EPHB1: variants seen among roughly 807,000 people sequenced by gnomAD.
The protein encoded by EPHB1 is EPH receptor B1.
A neutral mutation model predicts 94.4 loss-of-function variants in EPHB1; 30 were observed. The ratio of observed to expected loss-of-function variants is 0.32; its 90% CI spans 0.24 to 0.43. The LOEUF (loss-of-function observed/expected upper bound fraction) is 0.43. Among genes scored for constraint, EPHB1 ranks in the 20% least tolerant of loss-of-function variants. The pLI is 1.00. For synonymous variants in EPHB1, 522 were observed against 489.1 expected, an observed-to-expected ratio of 1.07 and a Z score of -0.89; for missense variants, 1,055 against 1,308.3, an observed-to-expected ratio of 0.81 and a Z score of 2.99.
chr3:135,029,993 C>A (rs1366527739), intron 3 of EPHB1, among the ~76,000 whole-genome samples: 1 of 151,178 alleles, frequency 6.6e-6, no homozygotes, highest in Non-Finnish European at 1.5e-5. Flanking sequence ...ATTACTGATA[C>A]CCTTTCTTCC....
intron 5 of EPHB1, among the ~76,000 whole-genome samples, chr3:135,135,743 G>A (rs181054904): frequency 5.3e-5 from 8 of 152,288 alleles, no homozygotes; most frequent in South Asian, 2.1e-4. Flanking sequence ...CTAGATGGCA[G>A]GCAAAGAATT....
intron 3 of EPHB1, among the ~76,000 whole-genome samples, chr3:135,000,015 C>T (rs1452361773): frequency 6.6e-6 from 1 of 152,178 alleles, no homozygotes; most frequent in Admixed American, 6.5e-5. Context: ...TGTCCTGGGT[C>T]CTCTGGTCCC....
At position 135,260,283 on chromosome 3, in the gene EPHB1, C is replaced by T. The variant is rs1933586914; in HGVS notation, c.*1163C>T. The T allele has an allele frequency of 4.3e-6, 1 of 232,968 alleles. No individual in the cohort carries two copies. Among genetic ancestry groups the T allele is most frequent in the Middle Eastern group, 1.3e-3 (1 of 784 alleles). 14.4% of individuals were successfully genotyped at this position (232,968 alleles called of 1,614,324 possible). A position where few individuals can be genotyped will look rare whatever the true frequency, so the allele number is the denominator to read the frequency against. ...GGACTGGCTTAAGCCGTGTGGCATC[C>T]GAGGAATGTTTCAAATGTGTCTGTG... On this transcript the variant is annotated 3_prime_UTR_variant, in exon 16 of 16. Coordinates refer to ENST00000398015, the MANE Select transcript of EPHB1 (RefSeq NM_004441.5).
Position 134,918,472 on chromosome 3 carries a change from A to G in EPHB1, c.59-7344A>G, listed in dbSNP as rs550979140. Among the ~76,000 whole-genome samples the G allele has an allele frequency of 7.2e-5, 11 of 152,362 alleles. No individual in the cohort carries two copies. In the South Asian group the frequency reaches 2.1e-3, roughly 29 times the overall value. ...AAGAGTAATTTTCTGAAAATTAGTT[A>G]CATTTTTATTTCTGAATTTGTGTCA... On this transcript the variant is annotated intron_variant, in intron 1 of 15. Transcript: ENST00000398015.
chr3:134,905,322 T>C (rs79674349), intron 1 of EPHB1, among the ~76,000 whole-genome samples: 12,755 of 152,288 alleles, frequency 0.084, 1,729 homozygotes, highest in African/African-American at 0.29. Flanking sequence ...AGTTTCCACA[T>C]GCTGCTGGCC....
chr3:135,197,406 A>C (rs929632239), intron 11 of EPHB1, among the ~76,000 whole-genome samples: 1 of 152,236 alleles, frequency 6.6e-6, no homozygotes, highest in Admixed American at 6.5e-5. Context: ...CCTGAGACCA[A>C]GGTTCTGCTT....
chr3:135,180,331 A>G (rs574009675), intron 10 of EPHB1, among the ~76,000 whole-genome samples: 13 of 152,346 alleles, frequency 8.5e-5, no homozygotes, highest in African/African-American at 3.1e-4. Flanking sequence ...GTAGTATTCC[A>G]CTTACTAACA....
chr3:135,054,988 A>T (rs144069190), intron 3 of EPHB1, among the ~76,000 whole-genome samples: 2 of 152,360 alleles, frequency 1.3e-5, no homozygotes, highest in East Asian at 3.9e-4. Context: ...AAAGTGAGAC[A>T]TAATGAAGAA....
At chr3:135,095,901 T>C (rs77073550) in intron 3 of EPHB1, among the ~76,000 whole-genome samples, 11,458 of 152,210 alleles carry the variant, frequency 0.075, 540 homozygotes, top group African/African-American at 0.13. Context: ...TTCCCAAGGC[T>C]CTCCCAGAGT....
chr3:134,906,926 C>T (rs2038344606), intron 1 of EPHB1, among the ~76,000 whole-genome samples: 1 of 152,142 alleles, frequency 6.6e-6, no homozygotes, highest in Non-Finnish European at 1.5e-5. Context: ...ACAGTAGGGC[C>T]AATGCTTGTC....
intron 12 of EPHB1, among the ~76,000 whole-genome samples, chr3:135,202,165 C>G (rs1293357829): frequency 1.3e-5 from 2 of 152,164 alleles, no homozygotes; most frequent in Non-Finnish European, 2.9e-5. Context: ...GATGAGTACT[C>G]TTAAACTTGT....
intron 3 of EPHB1, among the ~76,000 whole-genome samples, chr3:135,001,325 CTG>C (rs776460217): frequency 2.7e-4 from 41 of 152,240 alleles, no homozygotes; most frequent in Middle Eastern, 6.8e-3. Flanking sequence ...ACAGTGAGCT[CTG>C]TGTTTGAAGA....
intron 12 of EPHB1, among the ~76,000 whole-genome samples, chr3:135,238,186 A>C (rs1002091585): frequency 2.6e-5 from 4 of 152,120 alleles, no homozygotes; most frequent in Non-Finnish European, 4.4e-5. Flanking sequence ...CTAGGAAACA[A>C]AGTGCCCACT....
At chr3:134,825,290 T>A (rs2036456585) in intron 1 of EPHB1, among the ~76,000 whole-genome samples, 1 of 152,202 alleles carries the variant, frequency 6.6e-6, no homozygotes, top group Non-Finnish European at 1.5e-5. Flanking sequence ...CAGTTGGTCT[T>A]CAGTTTGGCG....
intron 3 of EPHB1, among the ~76,000 whole-genome samples, chr3:134,991,893 GGTAA>G (rs1325914871): frequency 6.6e-6 from 1 of 152,110 alleles, no homozygotes; most frequent in Non-Finnish European, 1.5e-5. Flanking sequence ...TGCTCCCCAT[GGTAA>G]GTATTTTGCT....
chr3:135,137,419 G>T (rs1031591397), intron 5 of EPHB1, among the ~76,000 whole-genome samples: 1 of 152,204 alleles, frequency 6.6e-6, no homozygotes, highest in African/African-American at 2.4e-5. Flanking sequence ...TCTGGATTTA[G>T]CCTGTTGGCG....
chr3:135,255,122 G>A (rs1252150799), intron 15 of EPHB1, among the ~76,000 whole-genome samples: 2 of 151,742 alleles, frequency 1.3e-5, no homozygotes, highest in Admixed American at 6.6e-5. Flanking sequence ...TATTAGTCTT[G>A]CTAGCGGTCT....
chr3:134,883,342 C>T (rs942385918), intron 1 of EPHB1, among the ~76,000 whole-genome samples: 3 of 152,074 alleles, frequency 2.0e-5, no homozygotes, highest in Non-Finnish European at 4.4e-5. Context: ...AAGAGGAGCC[C>T]CTCATGCAGA....
intron 3 of EPHB1, among the ~76,000 whole-genome samples, chr3:135,097,096 CAAAAAAAA>C (rs1182116389): frequency 6.0e-5 from 5 of 83,514 alleles, no homozygotes; most frequent in South Asian, 4.2e-4. Context: ...ACTCTGTCTA[CAAAAAAAA>C]AAAAAAAAAA....
Sources: gnomAD v4.1 joint callset for allele counts (sites outside exome capture counted in the v4.1 genomes callset) on GRCh38, gnomAD v4.1.1 for gene constraint, MANE v1.5 for transcripts, NCBI Gene and HGNC (gene_info 2026-07-23, HGNC 2026-07-21) for gene names.